Variants in NUDCD1 observed in about 807,000 individuals in gnomAD.
NUDCD1 encodes the protein NudC domain containing 1, also known as nudC domain-containing protein 1.
A neutral mutation model predicts 67.8 loss-of-function variants in NUDCD1; 60 were observed. The observed-to-expected ratio is 0.88, with a 90% CI of 0.72 to 1.10. NUDCD1 has a LOEUF of 1.10. NUDCD1 is among the 50% of genes least tolerant of loss of function. The pLI is 0.00. For missense variants in NUDCD1, 643 were observed against 695.0 expected (o/e 0.93, Z 0.84); for synonymous variants, 244 against 230.8 (o/e 1.06, Z -0.52).
At chr8:109,317,906 T>C (rs78362999) in intron 2 of NUDCD1, among the ~76,000 whole-genome samples, 11,206 of 152,264 alleles carry the variant, frequency 0.074, 1,347 homozygotes, top group African/African-American at 0.25. Flanking sequence ...GTACCCTTTT[T>C]GTCAGCTACA....
chr8:109,300,981 T>G (rs1814974523), intron 2 of NUDCD1, among the ~76,000 whole-genome samples: 1 of 151,934 alleles, frequency 6.6e-6, no homozygotes, highest in Non-Finnish European at 1.5e-5. Context: ...CAAGCAAGAA[T>G]TTTGTATCCA....
chr8:109,248,419 T>C (rs774227286), intron 8 of NUDCD1, among the ~76,000 whole-genome samples: 1 of 152,192 alleles, frequency 6.6e-6, no homozygotes, highest in Non-Finnish European at 1.5e-5. Context: ...CCCTTTTTTC[T>C]CCAAATTGTA....
chr8:109,271,753 A>C (rs1480791272), intron 7 of NUDCD1, among the ~76,000 whole-genome samples: 1 of 152,186 alleles, frequency 6.6e-6, no homozygotes, highest in Non-Finnish European at 1.5e-5. Context: ...AATTTCTGAA[A>C]AGCAGAAATA....
chr8:109,243,349 A>T (rs1813419674), intron 9 of NUDCD1, 48 bp from the exon 10 acceptor site: 2 of 1,409,356 alleles, frequency 1.4e-6, no homozygotes, highest in African/African-American at 2.9e-5. Flanking sequence ...TATTAAACAG[A>T]AGGGGAAAAA....
At chr8:109,329,664 T>C (rs1220487138) in intron 1 of NUDCD1, 4 of 685,918 alleles carry the variant, frequency 5.8e-6, no homozygotes, top group Non-Finnish European at 9.3e-6. Context: ...CTAAGTTTAG[T>C]ATCTTGATTG....
chr8:109,294,217 A>C (rs1285612008), intron 3 of NUDCD1, among the ~76,000 whole-genome samples: 1 of 152,086 alleles, frequency 6.6e-6, no homozygotes, highest in African/African-American at 2.4e-5. Flanking sequence ...ACTGAAAAAA[A>C]GGTAGCTTTA....
intron 3 of NUDCD1, among the ~76,000 whole-genome samples, chr8:109,295,575 G>T (rs1408258416): frequency 2.6e-5 from 4 of 152,098 alleles, no homozygotes; most frequent in Admixed American, 2.0e-4. Context: ...GACCTAACTG[G>T]TTTTTCTCAA....
At chr8:109,294,232 A>T (rs1401446071) in intron 3 of NUDCD1, among the ~76,000 whole-genome samples, 2 of 152,082 alleles carry the variant, frequency 1.3e-5, no homozygotes, top group Non-Finnish European at 2.9e-5. Context: ...GCTTTAAAAA[A>T]CAAAAACAAA....
intron 1 of NUDCD1, chr8:109,329,856 C>T (rs1815765670): frequency 1.3e-6 from 2 of 1,549,466 alleles, no homozygotes; most frequent in African/African-American, 2.7e-5. Flanking sequence ...GGACATGGGA[C>T]CCTTCAATAC....
intron 8 of NUDCD1, 79 bp from the exon 9 acceptor site, chr8:109,245,560 C>A: frequency 9.0e-7 from 1 of 1,111,554 alleles, no homozygotes; most frequent in African/African-American, 1.6e-5. Context: ...AGCTGACAGC[C>A]AGCATTAAGT....
chr8:109,318,223 A>C (rs1356367594), intron 2 of NUDCD1, among the ~76,000 whole-genome samples: 1 of 152,204 alleles, frequency 6.6e-6, no homozygotes, highest in Non-Finnish European at 1.5e-5. Flanking sequence ...TATCTATGGA[A>C]AAGTAAAATA....
chr8:109,275,101 C>T (rs1238430818), intron 7 of NUDCD1, among the ~76,000 whole-genome samples: 1 of 151,428 alleles, frequency 6.6e-6, no homozygotes, highest in Non-Finnish European at 1.5e-5. Context: ...GCGCACAATA[C>T]ATACGCACAC....
At chr8:109,282,159 G>A (rs373460044) in intron 5 of NUDCD1, among the ~76,000 whole-genome samples, 4 of 152,256 alleles carry the variant, frequency 2.6e-5, no homozygotes, top group South Asian at 2.1e-4. Context: ...GCCCAGTCTC[G>A]TCCTGCCCAT....
At chr8:109,270,505 G>A (rs965589116) in intron 8 of NUDCD1, among the ~76,000 whole-genome samples, 22 of 152,086 alleles carry the variant, frequency 1.4e-4, no homozygotes, top group Non-Finnish European at 2.6e-4. Context: ...TCTGTAACTC[G>A]TTATTAGATA....
At chr8:109,311,405 G>A (rs777391338) in intron 2 of NUDCD1, among the ~76,000 whole-genome samples, 1 of 151,824 alleles carries the variant, frequency 6.6e-6, no homozygotes, top group Non-Finnish European at 1.5e-5. Flanking sequence ...ATTTGATCCA[G>A]CAATCCCACT....
At chr8:109,318,570 G>A (rs1815458476) in intron 2 of NUDCD1, among the ~76,000 whole-genome samples, 1 of 152,064 alleles carries the variant, frequency 6.6e-6, no homozygotes, top group Non-Finnish European at 1.5e-5. Flanking sequence ...AGAACATGGG[G>A]CTAGCAAGAA....
intron 2 of NUDCD1, among the ~76,000 whole-genome samples, chr8:109,319,410 G>T (rs747356265): frequency 2.6e-5 from 4 of 152,208 alleles, no homozygotes; most frequent in Admixed American, 2.6e-4. Context: ...GCCTAAATTA[G>T]CTGGCCTTGT....
Position 109,241,109 on chromosome 8 carries a change from G to T in NUDCD1, c.*1900C>A, listed in dbSNP as rs1362280245. On this transcript the variant is annotated 3_prime_UTR_variant, in exon 10 of 10. Coordinates refer to ENST00000239690, the MANE Select transcript of NUDCD1 (RefSeq NM_032869.4). Reference sequence around the variant, plus strand: ...TTATGGAATCCCTGAAGCATTTCAGGAAAATAGCTTGAAATCACGGCTCTA... The same window carrying T: ...TTATGGAATCCCTGAAGCATTTCAGTAAAATAGCTTGAAATCACGGCTCTA... The T allele has an allele frequency of 6.6e-6, 1 of 152,026 alleles. No homozygotes were observed. The highest frequency in any genetic ancestry group is 2.4e-5 in the African/African-American group (1 of 41,400). 9.4% of individuals were successfully genotyped at this position (152,026 alleles called of 1,614,324 possible).
intron 1 of NUDCD1, 42 bp from the exon 2 acceptor site, chr8:109,322,505 C>T: frequency 6.5e-7 from 1 of 1,527,060 alleles, no homozygotes; most frequent in East Asian, 2.3e-5. Context: ...AAGAGTTTTG[C>T]CTCAGATAGT....
Sources: gnomAD v4.1 joint callset for allele counts (sites outside exome capture counted in the v4.1 genomes callset) on GRCh38, gnomAD v4.1.1 for gene constraint, MANE v1.5 for transcripts, NCBI Gene and HGNC (gene_info 2026-07-23, HGNC 2026-07-21) for gene names.